TRIM35: variants seen among roughly 807,000 people sequenced by gnomAD.
TRIM35 encodes the protein E3 ubiquitin-protein ligase TRIM35.
TRIM35 carries 37 observed loss-of-function variants against 49.1 expected under a neutral mutation model. That is an observed-to-expected ratio of 0.75 (90% CI 0.58 to 0.99). The LOEUF (loss-of-function observed/expected upper bound fraction) is 0.99. Among genes scored for constraint, TRIM35 ranks in the 50% least tolerant of loss-of-function variants. The probability of loss-of-function intolerance (pLI) is 0.00; values close to 1 mark genes in which losing one functional copy is unlikely to be tolerated. For missense variants in TRIM35, 648 were observed against 702.7 expected (o/e 0.92, Z 0.88); for synonymous variants, 302 against 289.3 (o/e 1.04, Z -0.45).
intron 1 of TRIM35, among the ~76,000 whole-genome samples, chr8:27,308,351 T>C (rs1802830367): frequency 6.6e-6 from 1 of 152,260 alleles, no homozygotes; most frequent in Non-Finnish European, 1.5e-5. Context: ...TTAGCTGGGA[T>C]GATTTTGACT....
chr8:27,308,707 C>T (rs1554552140), intron 1 of TRIM35, among the ~76,000 whole-genome samples: 2 of 152,178 alleles, frequency 1.3e-5, no homozygotes, highest in Non-Finnish European at 2.9e-5. Flanking sequence ...TGATTTGCAC[C>T]CTGCATCAGG....
chr8:27,291,274 A>T (rs1166283532), intron 3 of TRIM35, among the ~76,000 whole-genome samples: 2 of 152,140 alleles, frequency 1.3e-5, no homozygotes, highest in African/African-American at 4.8e-5. Flanking sequence ...TCCAAGGAAG[A>T]TCTACTAATG....
Position 27,311,272 on chromosome 8 carries a change from C to T in TRIM35, c.-37G>A. 2.1e-6 allele frequency: 3 copies of T among 1,461,684 alleles called. No individual in the cohort carries two copies. Among genetic ancestry groups the T allele is most frequent in the Non-Finnish European group, 1.8e-6 (2 of 1,104,030 alleles). 90.5% of individuals were successfully genotyped at this position (1,461,684 alleles called of 1,614,324 possible). ...CCGGCTCGGGCGCCCGGAACTTTTG[C>T]TCCGGCCCCTCCCACCCGCCCGGCT... On this transcript the variant is annotated 5_prime_UTR_variant, in exon 1 of 6. Transcript: ENST00000305364.
chr8:27,298,569 G>T lies in TRIM35; in HGVS notation c.436-10C>A. On this transcript the variant is annotated splice_polypyrimidine_tract_variant and intron_variant, in intron 1 of 5. Coordinates refer to ENST00000305364, the MANE Select transcript of TRIM35 (RefSeq NM_171982.5). The stretch of plus-strand genomic sequence containing the variant: ...TGTTCCTGCACTTGGCCTGACATGG[G>T]AATGAGAGAGAGGGAGGAAGACAGG... The T allele has an allele frequency of 3.1e-6, 5 of 1,612,286 alleles. No homozygotes were observed. Among genetic ancestry groups the T allele is most frequent in the Non-Finnish European group, 4.2e-6 (5 of 1,178,284 alleles).
At chr8:27,303,682 T>C (rs1802724624) in intron 1 of TRIM35, among the ~76,000 whole-genome samples, 1 of 152,150 alleles carries the variant, frequency 6.6e-6, no homozygotes, top group Non-Finnish European at 1.5e-5. Context: ...AGATTTTTTA[T>C]TTATTTATTT....
In TRIM35 at chr8:27,311,134, C is replaced by T; in HGVS notation, c.102G>A (p.Leu34=). ...CGCGGCAGAAGTTGTGGCCGCAGCG[C>T]AGAGTGACTGCGTCGCGGAAGGGGT... The part of the protein sequence containing the change: ...CYDPFRDAVT[L]RCGHNFCRGC... Residue 34 remains leucine, a synonymous_variant, in exon 1 of 6, where the codon CTG becomes CTA. Transcript: ENST00000305364. 6.2e-7 allele frequency: 1 copy of T among 1,603,350 alleles called. No homozygotes were observed. Among genetic ancestry groups the T allele is most frequent in the Non-Finnish European group, 8.5e-7 (1 of 1,176,202 alleles).
chr8:27,289,155 C>T lies in TRIM35; in HGVS notation c.904+7G>A, dbSNP rs370861137. 1.5e-4 allele frequency: 235 copies of T among 1,612,200 alleles called. No individual in the cohort carries two copies. Among genetic ancestry groups the T allele is most frequent in the South Asian group, 3.0e-4 (27 of 90,966 alleles). ...TGCTTGGGACACCTGCCGGCACCCC[C>T]GCTCACCAGATTCCACAGATGCAAG... On this transcript the variant is annotated splice_region_variant and intron_variant, in intron 5 of 5. Coordinates refer to ENST00000305364, the MANE Select transcript of TRIM35 (RefSeq NM_171982.5).
chr8:27,293,918 T>C (rs1235922552), intron 3 of TRIM35, 162 bp downstream of exon 3: 4 of 637,274 alleles, frequency 6.3e-6, no homozygotes, highest in Non-Finnish European at 8.1e-6. Flanking sequence ...TAAGTCTTTT[T>C]AGTTTCATGA....
In TRIM35 at chr8:27,290,464, G is replaced by A. The variant is rs182316390; in HGVS notation, c.763-286C>T. Among the ~76,000 whole-genome samples the A allele has an allele frequency of 6.9e-4, 105 of 152,308 alleles. 1 individual carries two copies. The highest frequency in any genetic ancestry group is 2.2e-3 in the African/African-American group (93 of 41,568). On this transcript the variant is annotated intron_variant, in intron 3 of 5. Transcript: ENST00000305364. The stretch of plus-strand genomic sequence containing the variant: ...GGATTAATACCGTTATTGTGAAGTG[G>A]TTTAGTTGTCATGAGACTGGGTTGC...
chr8:27,299,134 T>C (rs1055468343), intron 1 of TRIM35, among the ~76,000 whole-genome samples: 11 of 152,202 alleles, frequency 7.2e-5, no homozygotes, highest in African/African-American at 2.7e-4. Context: ...ACTGCTTGTA[T>C]CGCACGGAAT....
At chr8:27,301,495 C>A (rs1802682051) in intron 1 of TRIM35, among the ~76,000 whole-genome samples, 2 of 152,172 alleles carry the variant, frequency 1.3e-5, no homozygotes, top group Non-Finnish European at 2.9e-5. Context: ...TTATTGACCA[C>A]TTCAATGTTT....
At chr8:27,301,791 A>G (rs922537685) in intron 1 of TRIM35, among the ~76,000 whole-genome samples, 9 of 152,214 alleles carry the variant, frequency 5.9e-5, no homozygotes, top group Non-Finnish European at 1.3e-4. Context: ...GCTTTGCATT[A>G]TTATTGTATA....
rs1435740353 is a variant in TRIM35, at chr8:27,285,313, G to C, written c.*2237C>G. The C allele has an allele frequency of 1.3e-5, 2 of 152,176 alleles. No individual in the cohort carries two copies. The highest frequency in any genetic ancestry group is 3.9e-4 in the East Asian group (2 of 5,194). The allele number at this position is 152,176 out of a possible 1,614,324, so 9.4% of individuals were successfully genotyped here. On this transcript the variant is annotated 3_prime_UTR_variant, in exon 6 of 6. Transcript: ENST00000305364. ...GGAAAACAGTTTGGGAGTCCCTCAA[G>C]GGTTAAATAGAGTTTCATATGATCC...
At chr8:27,308,220 C>G (rs1802827677) in intron 1 of TRIM35, among the ~76,000 whole-genome samples, 1 of 152,174 alleles carries the variant, frequency 6.6e-6, no homozygotes, top group Non-Finnish European at 1.5e-5. Context: ...TATTTTAAAC[C>G]ACCACATTTA....
At chr8:27,290,215 C>T (rs746730293) in intron 3 of TRIM35, 37 bp from the exon 4 acceptor site, 4 of 1,604,762 alleles carry the variant, frequency 2.5e-6, no homozygotes, top group Non-Finnish European at 3.4e-6. Flanking sequence ...CACAGAGACA[C>T]AGATGTAGAG....
Position 27,286,314 on chromosome 8 carries a change from G to T in TRIM35, c.*1236C>A. On this transcript the variant is annotated 3_prime_UTR_variant, in exon 6 of 6. Transcript: ENST00000305364. ...GTGGCAGAGCAAGCATGACCAGGCT[G>T]AAGTCAGCAGAGACAAGAGGGCAGC... is the stretch of plus-strand genomic sequence containing the variant. 2.6e-6 allele frequency: 1 copy of T among 389,458 alleles called. No homozygotes were observed. Among genetic ancestry groups the T allele is most frequent in the Non-Finnish European group, 5.1e-6 (1 of 194,892 alleles). 24.1% of individuals were successfully genotyped at this position (389,458 alleles called of 1,614,324 possible). A position where few individuals can be genotyped will look rare whatever the true frequency, so the allele number is the denominator to read the frequency against.
In TRIM35 at chr8:27,294,145, C is replaced by T. The variant is rs1465297607; in HGVS notation, c.697G>A (p.Val233Met). The change falls in exon 3 of 6, where the codon GTG becomes ATG. Residue 233 changes from valine (V) to methionine (M), a missense_variant. Transcript: ENST00000305364. ...KMKQLTEETEVLAHEIERLQM... is the reference protein window; with the variant it reads ...KMKQLTEETEMLAHEIERLQM... ...AGCCGCTCGATCTCATGTGCCAGCA[C>T]CTCCGTCTCCTCTGTGAGCTGCTTC... 1 of 1,614,236 alleles carries T rather than the reference C, an allele frequency of 6.2e-7. No individual in the cohort carries two copies. The highest frequency in any genetic ancestry group is 8.5e-7 in the Non-Finnish European group (1 of 1,180,042).
rs1449947010 is a variant in TRIM35, at chr8:27,294,234, T to C, written c.608A>G (p.Gln203Arg). The C allele has an allele frequency of 3.1e-6, 5 of 1,614,098 alleles. No homozygotes were observed. The highest frequency in any genetic ancestry group is 3.4e-6 in the Non-Finnish European group (4 of 1,180,060). ...KLREFLRVEE[Q>R]AILDAMAEET... Reference sequence around the variant, plus strand: ...CTCGGCCATGGCATCCAGAATGGCCTGCTCCTCCACTCTCAAGAACTCGCG... The same window carrying C: ...CTCGGCCATGGCATCCAGAATGGCCCGCTCCTCCACTCTCAAGAACTCGCG... The change falls in exon 3 of 6, where the codon CAG becomes CGG. Residue 203 changes from glutamine (Q) to arginine (R), a missense_variant. Physicochemically the swap from Gln to Arg is conservative, Grantham distance 43. Coordinates refer to ENST00000305364, the MANE Select transcript of TRIM35 (RefSeq NM_171982.5).
In TRIM35 at chr8:27,311,077, C is replaced by T. The variant is rs749474855; in HGVS notation, c.159G>A (p.Val53=). ...GCVSRCWEVQ[V]SPTCPVCKDR... is the part of the protein sequence containing the mutation. ...CTTTGCACACTGGGCAGGTGGGCGA[C>T]ACCTGCACCTCCCAGCAGCGGCTCA... Residue 53 remains valine (V), a synonymous_variant, in exon 1 of 6, where the codon GTG becomes GTA. Transcript: ENST00000305364. 1 of 1,596,588 alleles carries T rather than the reference C, an allele frequency of 6.3e-7. No individual in the cohort carries two copies. The highest frequency in any genetic ancestry group is 1.1e-5 in the South Asian group (1 of 88,862).
Sources: allele counts gnomAD v4.1 joint callset (sites outside exome capture counted in the v4.1 genomes callset), GRCh38; gene constraint gnomAD v4.1.1; transcripts MANE v1.5; gene names NCBI Gene and HGNC (gene_info 2026-07-23, HGNC 2026-07-21).